Variants in SGCD observed in about 807,000 individuals in gnomAD.
SGCD encodes delta-sarcoglycan.
In SGCD, 18 loss-of-function variants were observed where a neutral mutation model predicts 36.6. The ratio of observed to expected loss-of-function variants is 0.49; its 90% CI spans 0.34 to 0.73. The LOEUF (loss-of-function observed/expected upper bound fraction) is 0.73. Among genes scored for constraint, SGCD ranks in the 30% least tolerant of loss-of-function variants. The pLI is 0.01. For synonymous variants in SGCD, 133 were observed against 130.6 expected (o/e 1.02, Z -0.12); for missense variants, 387 against 346.7 (o/e 1.12, Z -0.92).
intron 7 of SGCD, 98 bp downstream of exon 7, chr5:156,647,634 C>A (rs574766030): frequency 5.2e-4 from 383 of 733,522 alleles, no homozygotes; most frequent in Non-Finnish European, 7.6e-4. Flanking sequence ...AGTGTCACAG[C>A]GTGAATACAT....
intron 7 of SGCD, among the ~76,000 whole-genome samples, chr5:156,656,127 A>C (rs1005833448): frequency 9.9e-5 from 15 of 152,176 alleles, no homozygotes; most frequent in African/African-American, 3.6e-4. Context: ...ATGAAATATC[A>C]AGTCAAAATG....
chr5:156,213,113 A>C (rs1764487383), intron 3 of SGCD, among the ~76,000 whole-genome samples: 1 of 151,976 alleles, frequency 6.6e-6, no homozygotes, highest in South Asian at 2.1e-4. Context: ...AGAATTAACT[A>C]AGCTTAAAGT....
chr5:155,900,889 A>G (rs189139527), intron 1 of SGCD, among the ~76,000 whole-genome samples: 1 of 152,296 alleles, frequency 6.6e-6, no homozygotes, highest in East Asian at 1.9e-4. Flanking sequence ...AAATATGTGC[A>G]CACTCATGTT....
chr5:156,656,954 A>G (rs1561841509), intron 7 of SGCD, among the ~76,000 whole-genome samples: 1 of 152,074 alleles, frequency 6.6e-6, no homozygotes, highest in Non-Finnish European at 1.5e-5. Context: ...CTCCTTTGGG[A>G]ATGTGTGAGA....
chr5:156,343,429 T>C (rs1372192145), intron 2 of SGCD, among the ~76,000 whole-genome samples: 2 of 152,238 alleles, frequency 1.3e-5, no homozygotes, highest in South Asian at 4.1e-4. Flanking sequence ...CCAGAGACCT[T>C]GGTACCACAT....
At chr5:156,374,068 G>A (rs77365711) in intron 3 of SGCD, among the ~76,000 whole-genome samples, 9,558 of 151,696 alleles carry the variant, frequency 0.063, 403 homozygotes, top group Middle Eastern at 0.17. Context: ...GCAGTAACTC[G>A]GATAAAAATG....
chr5:156,291,762 A>T (rs565919232), intron 3 of SGCD, among the ~76,000 whole-genome samples: 2 of 152,254 alleles, frequency 1.3e-5, no homozygotes, highest in East Asian at 3.9e-4. Flanking sequence ...TGACAAATAA[A>T]AATTGTATGC....
chr5:156,602,924 G>A (rs1761259923), intron 6 of SGCD, among the ~76,000 whole-genome samples: 1 of 152,090 alleles, frequency 6.6e-6, no homozygotes, highest in African/African-American at 2.4e-5. Context: ...ATTCTTGTCT[G>A]GTTTTGATAT....
At chr5:156,543,871 C>G (rs1758453393) in intron 4 of SGCD, among the ~76,000 whole-genome samples, 1 of 152,082 alleles carries the variant, frequency 6.6e-6, no homozygotes, top group Admixed American at 6.5e-5. Context: ...TTCATAAACT[C>G]TGGTAGACCC....
intron 3 of SGCD, among the ~76,000 whole-genome samples, chr5:156,457,239 A>T (rs1472981490): frequency 1.3e-5 from 2 of 152,210 alleles, no homozygotes; most frequent in African/African-American, 4.8e-5. Context: ...AGCATTTTTT[A>T]AAAACTTGCT....
intron 1 of SGCD, among the ~76,000 whole-genome samples, chr5:156,005,759 G>C (rs1758750169): frequency 1.3e-5 from 2 of 152,190 alleles, no homozygotes; most frequent in African/African-American, 4.8e-5. Flanking sequence ...CTTTTGTTTT[G>C]TTTTAATGTC....
At chr5:156,700,713 G>A (rs1219908856) in intron 7 of SGCD, among the ~76,000 whole-genome samples, 1 of 152,116 alleles carries the variant, frequency 6.6e-6, no homozygotes. Context: ...GGATACTGAG[G>A]CAAGAAGATT....
At chr5:156,298,576 CTTTTTTTTTTTT>C (rs924228753) in intron 3 of SGCD, among the ~76,000 whole-genome samples, 1 of 110,520 alleles carries the variant, frequency 9.0e-6, no homozygotes, top group Non-Finnish European at 1.8e-5. Context: ...TTTTTCTTTT[CTTTTTTTTTTTT>C]TTTTTTTTGG....
At chr5:156,657,756 G>A (rs973521704) in intron 7 of SGCD, among the ~76,000 whole-genome samples, 23 of 151,304 alleles carry the variant, frequency 1.5e-4, no homozygotes, top group Non-Finnish European at 2.8e-4. Flanking sequence ...CGTAAGGTGG[G>A]ACGAGAGATT....
chr5:156,089,953 C>T (rs78643088), intron 1 of SGCD, among the ~76,000 whole-genome samples: 7 of 151,908 alleles, frequency 4.6e-5, no homozygotes, highest in African/African-American at 1.5e-4. Flanking sequence ...ACTAAAGCCC[C>T]AGACCCTGGG....
chr5:156,381,630 CAT>C (rs766423527), intron 3 of SGCD, among the ~76,000 whole-genome samples: 5 of 152,030 alleles, frequency 3.3e-5, no homozygotes, highest in South Asian at 2.1e-4. Context: ...CTATATGACA[CAT>C]ATAGTTGAGC....
chr5:155,869,246 TCTGGGCACTATTC>T (rs1366380580), upstream of SGCD, among the ~76,000 whole-genome samples: 1 of 152,222 alleles, frequency 6.6e-6, no homozygotes, highest in Non-Finnish European at 1.5e-5. Context: ...GCTTGTTGTT[TCTGGGCACTATTC>T]GGTGCCCACA....
chr5:155,921,914 C>T (rs1756888020), intron 1 of SGCD, among the ~76,000 whole-genome samples: 1 of 152,204 alleles, frequency 6.6e-6, no homozygotes, highest in Non-Finnish European at 1.5e-5. Context: ...TTCAGTTCAT[C>T]TTTACCAGGG....
At chr5:155,834,265 T>G in the SGCD span, among the ~76,000 whole-genome samples, 1 of 152,300 alleles carries the variant, frequency 6.6e-6, no homozygotes, top group African/African-American at 2.4e-5. Flanking sequence ...AGCCTGCACA[T>G]AAAAAGTGCC....
Sources: gnomAD v4.1 joint callset for allele counts (sites outside exome capture counted in the v4.1 genomes callset) on GRCh38, gnomAD v4.1.1 for gene constraint, MANE v1.5 for transcripts, NCBI Gene and HGNC (gene_info 2026-07-23, HGNC 2026-07-21) for gene names.